PATJ: variants seen among roughly 807,000 people sequenced by gnomAD.
PATJ encodes the protein PATJ crumbs cell polarity complex component.
In PATJ, 190 loss-of-function variants were observed where a neutral mutation model predicts 224.9. The ratio of observed to expected loss-of-function variants is 0.84; its 90% CI spans 0.75 to 0.95. The LOEUF (loss-of-function observed/expected upper bound fraction) is 0.95. Ranked by LOEUF, PATJ falls within the 40% of genes least tolerant of loss-of-function variation. PATJ has a pLI of 0.00. For missense variants in PATJ, 2,121 were observed against 2,270.3 expected (o/e 0.93, Z 1.34); for synonymous variants, 769 against 820.3 (o/e 0.94, Z 1.07).
intron 30 of PATJ, among the ~76,000 whole-genome samples, chr1:62,043,040 C>G (rs1407914430): frequency 6.6e-6 from 1 of 152,152 alleles, no homozygotes. Flanking sequence ...GTTGAGTGAG[C>G]AAGAGTGCTA....
intron 27 of PATJ, among the ~76,000 whole-genome samples, chr1:61,985,357 TA>T (rs111968664): frequency 0.026 from 3,880 of 152,074 alleles, 209 homozygotes; most frequent in African/African-American, 0.089. Context: ...AATAAATCTA[TA>T]ACTTAGTCCC....
chr1:61,814,172 C>G (rs560380756), intron 14 of PATJ, among the ~76,000 whole-genome samples: 1 of 111,670 alleles, frequency 9.0e-6, no homozygotes, highest in Non-Finnish European at 1.7e-5. Flanking sequence ...GTGATTCAGT[C>G]TCGCTCTGTT....
intron 28 of PATJ, among the ~76,000 whole-genome samples, chr1:61,997,929 C>T (rs960326132): frequency 4.2e-5 from 6 of 141,972 alleles, no homozygotes; most frequent in African/African-American, 1.6e-4. Flanking sequence ...GTGATCCTCC[C>T]TCCTCAGCCT....
At chr1:62,143,454 T>TTTTTA (rs1667701776) in intron 41 of PATJ, among the ~76,000 whole-genome samples, 5 of 134,904 alleles carry the variant, frequency 3.7e-5, no homozygotes, top group African/African-American at 1.4e-4. Context: ...TTTTTTTTTT[T>TTTTTA]TTTTTTTTTT....
chr1:61,941,880 A>G (rs779871007), intron 27 of PATJ, among the ~76,000 whole-genome samples: 1 of 152,194 alleles, frequency 6.6e-6, no homozygotes, highest in East Asian at 1.9e-4. Context: ...GAGATTTTTC[A>G]CTTCAAAGTT....
intron 28 of PATJ, among the ~76,000 whole-genome samples, chr1:61,995,285 T>TG (rs1417030855): frequency 6.6e-6 from 1 of 152,228 alleles, no homozygotes; most frequent in East Asian, 1.9e-4. Flanking sequence ...TGAAGTAAAA[T>TG]GCTCAATGTC....
intron 5 of PATJ, among the ~76,000 whole-genome samples, chr1:61,771,016 G>C (rs1646572224): frequency 6.6e-6 from 1 of 152,018 alleles, no homozygotes; most frequent in Non-Finnish European, 1.5e-5. Context: ...AGACAGTGAA[G>C]ATGGGGTGAG....
intron 14 of PATJ, among the ~76,000 whole-genome samples, chr1:61,822,684 G>T (rs1570717404): frequency 6.6e-6 from 1 of 152,188 alleles, no homozygotes; most frequent in African/African-American, 2.4e-5. Context: ...GGACTGCCTG[G>T]AGCTTAGAAT....
At chr1:62,121,775 A>AG (rs1470791838) in intron 38 of PATJ, among the ~76,000 whole-genome samples, 3 of 65,304 alleles carry the variant, frequency 4.6e-5, no homozygotes, top group Admixed American at 1.8e-4. Flanking sequence ...CTCCGTCTCC[A>AG]GAAAAAAAAA....
At chr1:61,768,139 G>T (rs1182305474) in intron 4 of PATJ, among the ~76,000 whole-genome samples, 1 of 151,978 alleles carries the variant, frequency 6.6e-6, no homozygotes, top group African/African-American at 2.4e-5. Context: ...TGTAAATGGT[G>T]GCCTTTTCAG....
intron 31 of PATJ, among the ~76,000 whole-genome samples, chr1:62,068,076 T>G (rs1656780628): frequency 1.3e-5 from 2 of 152,200 alleles, no homozygotes; most frequent in African/African-American, 4.8e-5. Flanking sequence ...ATTACAGGCG[T>G]GAGCCACCGC....
At chr1:61,862,712 G>C (rs934147505) in intron 19 of PATJ, among the ~76,000 whole-genome samples, 1 of 152,018 alleles carries the variant, frequency 6.6e-6, no homozygotes, top group African/African-American at 2.4e-5. Flanking sequence ...CTAAAGAAGA[G>C]TTATTTAGTC....
At chr1:61,778,064 G>GTTTTTCT (rs1647035597) in intron 7 of PATJ, among the ~76,000 whole-genome samples, 1 of 151,966 alleles carries the variant, frequency 6.6e-6, no homozygotes. Context: ...ATTTTTTGTA[G>GTTTTTCT]AGGTGGGGTT....
chr1:62,137,752 C>G (rs911212756), intron 41 of PATJ, among the ~76,000 whole-genome samples: 5 of 151,954 alleles, frequency 3.3e-5, no homozygotes, highest in Non-Finnish European at 7.4e-5. Context: ...ATGCAAACGT[C>G]TCTAACTGTT....
intron 27 of PATJ, among the ~76,000 whole-genome samples, chr1:61,947,163 A>G (rs867104487): frequency 1.3e-5 from 2 of 152,358 alleles, no homozygotes; most frequent in Middle Eastern, 6.8e-3. Context: ...GGCACAAGAC[A>G]GGGATGCCCT....
intron 27 of PATJ, among the ~76,000 whole-genome samples, chr1:61,934,281 G>A (rs1676497424): frequency 1.3e-5 from 2 of 152,144 alleles, no homozygotes; most frequent in South Asian, 2.1e-4. Flanking sequence ...ACCACGCCCG[G>A]CTAATTTTGT....
intron 27 of PATJ, among the ~76,000 whole-genome samples, chr1:61,948,119 A>G (rs1679045354): frequency 6.6e-6 from 1 of 152,188 alleles, no homozygotes; most frequent in Admixed American, 6.5e-5. Flanking sequence ...CCTAGAAGAA[A>G]ACCTAGGCAA....
intron 14 of PATJ, among the ~76,000 whole-genome samples, chr1:61,822,442 A>AAAAG (rs1570716129): frequency 1.3e-5 from 2 of 151,482 alleles, no homozygotes; most frequent in Admixed American, 6.6e-5. Flanking sequence ...AAAAAAAAAA[A>AAAAG]AAAAGAAAAG....
At chr1:62,150,391 A>C (rs553859001) in intron 42 of PATJ, among the ~76,000 whole-genome samples, 1 of 152,278 alleles carries the variant, frequency 6.6e-6, no homozygotes, top group South Asian at 2.1e-4. Flanking sequence ...TAGTTATAAA[A>C]GATAACTGTA....
Sources: gnomAD v4.1 joint callset for allele counts (sites outside exome capture counted in the v4.1 genomes callset) on GRCh38, gnomAD v4.1.1 for gene constraint, MANE v1.5 for transcripts, NCBI Gene and HGNC (gene_info 2026-07-23, HGNC 2026-07-21) for gene names.